The following DLC1 variants were observed in gnomAD, a reference collection of about 807,000 sequenced individuals.
The protein encoded by DLC1 is rho GTPase-activating protein 7.
DLC1 carries 54 observed loss-of-function variants against 140.3 expected under a neutral mutation model. The ratio of observed to expected loss-of-function variants is 0.38; its 90% CI spans 0.31 to 0.48. The LOEUF is 0.48. DLC1 is among the 20% of genes least tolerant of loss of function. The pLI, the probability that DLC1 is intolerant of heterozygous loss-of-function variation, is 0.96. For synonymous variants in DLC1, 986 were observed against 728.1 expected (o/e 1.35, Z -5.70); for missense variants, 2,536 against 1,907.0 (o/e 1.33, Z -6.14).
chr8:13,220,074 G>A (rs146231869), intron 5 of DLC1, among the ~76,000 whole-genome samples: 1 of 152,208 alleles, frequency 6.6e-6, no homozygotes, highest in East Asian at 1.9e-4. Flanking sequence ...TCCTTCTGGG[G>A]CGATTAAAAT....
chr8:13,363,533 TTCTG>T (rs1474353314), intron 4 of DLC1, among the ~76,000 whole-genome samples: 2 of 152,138 alleles, frequency 1.3e-5, no homozygotes, highest in African/African-American at 2.4e-5. Flanking sequence ...AAAGTTATTG[TTCTG>T]TCTATTACAC....
intron 4 of DLC1, among the ~76,000 whole-genome samples, chr8:13,383,630 C>T (rs6994723): frequency 0.15 from 22,362 of 152,072 alleles, 1,803 homozygotes; most frequent in Non-Finnish European, 0.17. Flanking sequence ...AGACCTTTTC[C>T]AACATTGAAC....
At chr8:13,506,581 G>GTGTGTGTATATATATATATA (rs1246764417) in intron 1 of DLC1, among the ~76,000 whole-genome samples, 146 of 131,044 alleles carry the variant, frequency 1.1e-3, no homozygotes, top group African/African-American at 4.3e-3. Flanking sequence ...GTGTGTGTGT[G>GTGTGTGTATATATATATATA]TATATATATA....
chr8:13,156,663 A>G (rs189755475), intron 5 of DLC1, among the ~76,000 whole-genome samples: 1 of 152,298 alleles, frequency 6.6e-6, no homozygotes, highest in East Asian at 1.9e-4. Context: ...TCTAGAATGA[A>G]AGGTTATGAA....
intron 5 of DLC1, among the ~76,000 whole-genome samples, chr8:13,160,981 G>A (rs538973041): frequency 4.6e-5 from 7 of 152,202 alleles, no homozygotes; most frequent in African/African-American, 1.4e-4. Flanking sequence ...CTTGGGAGGC[G>A]GAGGCAGGAG....
chr8:13,474,652 C>A (rs1006522221), intron 2 of DLC1, among the ~76,000 whole-genome samples: 4 of 152,162 alleles, frequency 2.6e-5, no homozygotes, highest in Non-Finnish European at 5.9e-5. Flanking sequence ...CGGGTGGAGC[C>A]ACTCAAGATC....
chr8:13,126,765 C>A (rs891217101), intron 5 of DLC1, among the ~76,000 whole-genome samples: 5 of 152,166 alleles, frequency 3.3e-5, no homozygotes, highest in African/African-American at 1.2e-4. Context: ...GCTTATTCTA[C>A]GAGGGGCATC....
At chr8:13,156,644 T>G (rs961926575) in intron 5 of DLC1, among the ~76,000 whole-genome samples, 1 of 152,172 alleles carries the variant, frequency 6.6e-6, no homozygotes, top group Non-Finnish European at 1.5e-5. Context: ...GGTGTCCACA[T>G]TTATAAACTC....
At chr8:13,282,234 T>C (rs974795433) in intron 5 of DLC1, among the ~76,000 whole-genome samples, 7 of 152,212 alleles carry the variant, frequency 4.6e-5, no homozygotes, top group Admixed American at 1.3e-4. Context: ...TGAACATCTC[T>C]CTCTGGAGCT....
intron 5 of DLC1, among the ~76,000 whole-genome samples, chr8:13,120,342 C>CAA (rs1554577908): frequency 0.16 from 9,384 of 58,118 alleles, 2,158 homozygotes; most frequent in East Asian, 0.47. Context: ...GACTCCGTCG[C>CAA]AAAAAAAAAA....
rs1395072506 is a variant in DLC1 at position 13,143,850 on chromosome 8, G to GAGAGAGAGAC, written c.1349-28194_1349-28193insGTCTCTCTCT. On this transcript the variant is annotated intron_variant, in intron 5 of 17. Coordinates refer to ENST00000276297, the MANE Select transcript of DLC1 (RefSeq NM_182643.3). ...AGAGAGAGAGAGAGAGAGAGAGAGA[G>GAGAGAGAGAC]AGACATAGACATGCCAAGGTTTTCC... Among the ~76,000 whole-genome samples, 3 of 147,754 alleles carry GAGAGAGAGAC rather than the reference G, an allele frequency of 2.0e-5. No individual in the cohort carries two copies. The East Asian group carries it at 5.8e-4, about 29-fold the overall frequency.
In DLC1 at chr8:13,491,109, T is replaced by C. The variant is rs556399122; in HGVS notation, c.1023+7940A>G. On this transcript the variant is annotated intron_variant, in intron 2 of 17. Coordinates refer to ENST00000276297, the MANE Select transcript of DLC1 (RefSeq NM_182643.3). Reference sequence around the variant, plus strand: ...ATATTCAAATTTAATATTTTTTATATATATATTCAGATTTAATATTTTTTT... The same window carrying C: ...ATATTCAAATTTAATATTTTTTATACATATATTCAGATTTAATATTTTTTT... Among the ~76,000 whole-genome samples the C allele has an allele frequency of 4.5e-4, 67 of 148,518 alleles. 1 individual carries two copies. Among genetic ancestry groups the C allele is most frequent in the East Asian group, 3.5e-3 (18 of 5,134 alleles).
At chr8:13,573,732 C>T (rs1170152935) in intron 1 of DLC1, among the ~76,000 whole-genome samples, 1 of 152,108 alleles carries the variant, frequency 6.6e-6, no homozygotes, top group Admixed American at 6.6e-5. Context: ...TGCTTAAATC[C>T]AACATTTGTG....
chr8:13,169,740 G>C (rs10216431), intron 5 of DLC1, among the ~76,000 whole-genome samples: 60,947 of 152,074 alleles, frequency 0.4, 13,095 homozygotes, highest in East Asian at 0.83. Flanking sequence ...ACATGGAAGA[G>C]AGCCTGAGCC....
At chr8:13,408,862 T>C (rs186803076) in intron 2 of DLC1, among the ~76,000 whole-genome samples, 3 of 152,320 alleles carry the variant, frequency 2.0e-5, no homozygotes, top group Admixed American at 2.0e-4. Flanking sequence ...GACAAGACTT[T>C]TCTTGGTTTG....
At chr8:13,444,441 C>A (rs780296681) in intron 2 of DLC1, among the ~76,000 whole-genome samples, 1 of 151,640 alleles carries the variant, frequency 6.6e-6, no homozygotes, top group Non-Finnish European at 1.5e-5. Flanking sequence ...TAGAACTTAA[C>A]GTTTAATAAT....
chr8:13,351,065 G>T (rs758311846), intron 4 of DLC1, among the ~76,000 whole-genome samples: 2 of 152,162 alleles, frequency 1.3e-5, no homozygotes, highest in Non-Finnish European at 2.9e-5. Context: ...TCATGAATAA[G>T]GTAGAGGACT....
intron 5 of DLC1, chr8:13,133,040 C>T (rs766584426): frequency 3.3e-4 from 522 of 1,577,070 alleles, no homozygotes; most frequent in South Asian, 3.6e-4. Context: ...GGAGGCGGCT[C>T]GGCTTCCGCG....
chr8:13,209,737 C>G (rs1408078945), intron 5 of DLC1, among the ~76,000 whole-genome samples: 2 of 152,064 alleles, frequency 1.3e-5, no homozygotes, highest in African/African-American at 2.4e-5. Flanking sequence ...TCCCTCCTGT[C>G]TCTCTTGCTG....
Sources: gnomAD v4.1 joint callset for allele counts (sites outside exome capture counted in the v4.1 genomes callset) on GRCh38, gnomAD v4.1.1 for gene constraint, MANE v1.5 for transcripts, NCBI Gene and HGNC (gene_info 2026-07-23, HGNC 2026-07-21) for gene names.